The following PCM1 variants were observed in gnomAD, a reference collection of about 807,000 sequenced individuals.
PCM1 encodes pericentriolar material 1.
In PCM1, 157 loss-of-function variants were observed where a neutral mutation model predicts 241.9. The observed-to-expected ratio is 0.65, with a 90% CI of 0.57 to 0.74. The LOEUF (loss-of-function observed/expected upper bound fraction) is 0.74, where lower values mean the gene tolerates loss of function less well. Ranked by LOEUF, PCM1 falls within the 30% of genes least tolerant of loss-of-function variation. PCM1 has a pLI of 0.00. For synonymous variants in PCM1, 1,085 were observed against 784.9 expected (o/e 1.38, Z -6.39); for missense variants, 3,478 against 2,360.1 (o/e 1.47, Z -9.81).
At position 18,029,386 on chromosome 8, in the gene PCM1, A is replaced by G. The variant is rs2129492229; in HGVS notation, c.*1724A>G. ...TAACTAACTTCAGGGAAATTGGAACAATAAGTTATGTTACATGCACACTCA... is the reference window on the plus strand; with the variant it reads ...TAACTAACTTCAGGGAAATTGGAACGATAAGTTATGTTACATGCACACTCA... On this transcript the variant is annotated 3_prime_UTR_variant, in exon 39 of 39. Coordinates refer to ENST00000325083, the MANE Select transcript of PCM1 (RefSeq NM_006197.4). 4.7e-6 allele frequency: 1 copy of G among 214,964 alleles called. No individual in the cohort carries two copies. The highest frequency in any genetic ancestry group is 6.9e-5 in the East Asian group (1 of 14,582). The allele number at this position is 214,964 out of a possible 1,614,324, so 13.3% of individuals were successfully genotyped here.
rs1392440157 is a variant in PCM1 at position 17,980,750 on chromosome 8, C to A, written c.4103C>A (p.Ser1368Tyr). 1.9e-6 allele frequency: 3 copies of A among 1,603,594 alleles called. No homozygotes were observed. The highest frequency in any genetic ancestry group is 2.2e-5 in the South Asian group (2 of 90,328). ...AAATGTAATAGGTCTACAGAAATAT[C>A]TTCAGGTATGTTCTTTTTTGGTTTG... The part of the protein sequence containing the change: ...IIKCNRSTEI[S>Y]SETGSDFSMF... The change falls in exon 24 of 39, where the codon TCT becomes TAT. Residue 1368 changes from serine to tyrosine, a missense_variant. Physicochemically the swap from Ser to Tyr is moderately radical, Grantham distance 144. Coordinates refer to ENST00000325083, the MANE Select transcript of PCM1 (RefSeq NM_006197.4).
At chr8:17,928,516 T>TCATTTGTC (rs2057862955) in intron 2 of PCM1, among the ~76,000 whole-genome samples, 2 of 151,876 alleles carry the variant, frequency 1.3e-5, no homozygotes, top group Admixed American at 1.3e-4. Context: ...CTAAAGCTAA[T>TCATTTGTC]CATTTGTCTT....
chr8:17,996,639 A>G lies in PCM1; in HGVS notation c.4827+3020A>G, dbSNP rs538746589. ...CTTCTATTTTGGGTTTGGTTTGCTC[A>G]TGCTTTTCTTGTTTTTTAACATCCA... On this transcript the variant is annotated intron_variant, in intron 29 of 38. Coordinates refer to ENST00000325083, the MANE Select transcript of PCM1 (RefSeq NM_006197.4). 1.3e-3 allele frequency among the ~76,000 whole-genome samples: 202 copies of G among 150,400 alleles called. 1 individual carries two copies. Among genetic ancestry groups the G allele is most frequent in the Non-Finnish European group, 2.5e-3 (169 of 67,824 alleles).
chr8:18,017,643 C>T (rs534131326), intron 36 of PCM1, among the ~76,000 whole-genome samples: 3 of 152,234 alleles, frequency 2.0e-5, no homozygotes, highest in East Asian at 1.9e-4. Flanking sequence ...CACCTGAGGT[C>T]GGGAGTTCAA....
At chr8:17,995,973 A>G (rs1340519510) in intron 29 of PCM1, among the ~76,000 whole-genome samples, 1 of 152,148 alleles carries the variant, frequency 6.6e-6, no homozygotes, top group Non-Finnish European at 1.5e-5. Flanking sequence ...TATATATATC[A>G]TATACAAACA....
rs751778026 is a variant in PCM1, at chr8:18,029,034, C to T, written c.*1372C>T. ...GGAGAGGTGGCACGTGCCTGTAGTC[C>T]TAGCTACTTGGGAGGCTAAGGCAGG... On this transcript the variant is annotated 3_prime_UTR_variant, in exon 39 of 39. Coordinates refer to ENST00000325083, the MANE Select transcript of PCM1 (RefSeq NM_006197.4). 1.1e-5 allele frequency: 2 copies of T among 177,254 alleles called. No individual in the cohort carries two copies. Among genetic ancestry groups the T allele is most frequent in the African/African-American group, 2.4e-5 (1 of 42,198 alleles). 11.0% of individuals were successfully genotyped at this position (177,254 alleles called of 1,614,324 possible).
At chr8:17,962,300 C>G (rs2072675330) in intron 16 of PCM1, 126 bp downstream of exon 16, 1 of 628,236 alleles carries the variant, frequency 1.6e-6, no homozygotes. Flanking sequence ...TAGTAGTCTG[C>G]TTTGTGCCTT....
intron 29 of PCM1, among the ~76,000 whole-genome samples, chr8:18,001,122 G>C (rs1455383701): frequency 1.3e-5 from 2 of 152,200 alleles, no homozygotes; most frequent in African/African-American, 4.8e-5. Context: ...TTCAGCATTT[G>C]TAAGTTGTAC....
At chr8:18,013,248 A>G (rs766386074) in intron 34 of PCM1, among the ~76,000 whole-genome samples, 6 of 152,104 alleles carry the variant, frequency 3.9e-5, no homozygotes, top group Non-Finnish European at 8.8e-5. Context: ...CATGCACTAG[A>G]TTATTCTGTT....
chr8:17,944,711 CT>C (rs1476886487), intron 6 of PCM1, among the ~76,000 whole-genome samples: 2 of 152,032 alleles, frequency 1.3e-5, no homozygotes, highest in Non-Finnish European at 2.9e-5. Flanking sequence ...TTTTTATTTT[CT>C]CCCTTCTGTA....
rs1374745046 is a variant in PCM1, at chr8:17,937,207, A to T, written c.170A>T (p.Asp57Val). The change falls in exon 4 of 39, where the codon GAT (aspartate) becomes GTT (valine). Residue 57 changes from aspartate (D) to valine (V), a missense_variant. Coordinates refer to ENST00000325083, the MANE Select transcript of PCM1 (RefSeq NM_006197.4). ...AAGAAAAAGTTTGGTGTAGAAAGTG[A>T]TAAAAGAGTAACCAATGATATTTCT... ...KNKKKFGVES[D>V]KRVTNDISPE... 1 of 1,604,360 alleles carries T rather than the reference A, an allele frequency of 6.2e-7. No individual in the cohort carries two copies. Among genetic ancestry groups the T allele is most frequent in the East Asian group, 2.2e-5 (1 of 44,752 alleles).
intron 36 of PCM1, among the ~76,000 whole-genome samples, chr8:18,023,143 C>G (rs893597687): frequency 2.6e-5 from 4 of 152,120 alleles, no homozygotes; most frequent in Non-Finnish European, 4.4e-5. Flanking sequence ...CTGGATTATT[C>G]ATCTTGTATG....
intron 16 of PCM1, among the ~76,000 whole-genome samples, chr8:17,962,728 A>G (rs111753776): frequency 0.02 from 3,007 of 151,976 alleles, 113 homozygotes; most frequent in African/African-American, 0.069. Context: ...GTGAAACCCT[A>G]TCTCTACTAA....
At chr8:17,994,984 C>G (rs1364511634) in intron 29 of PCM1, among the ~76,000 whole-genome samples, 3 of 151,396 alleles carry the variant, frequency 2.0e-5, no homozygotes, top group African/African-American at 7.4e-5. Flanking sequence ...GTTGTCTCTT[C>G]ACTTTGTTGT....
intron 36 of PCM1, among the ~76,000 whole-genome samples, chr8:18,020,595 A>G (rs942112748): frequency 3.9e-5 from 6 of 152,224 alleles, no homozygotes; most frequent in Non-Finnish European, 8.8e-5. Context: ...TTCATTAAAT[A>G]ATTCTGAATA....
Position 18,014,754 on chromosome 8 carries a change from AAAG to A in PCM1, c.5759_5761del (p.Glu1920del). ...AATGGAACCCTTAGTGCCTAGAGTC[AAAG>A]AAGTTAAATCTGCTCAGGAAACTCC... On this transcript the variant is annotated inframe_deletion, in exon 36 of 39. Transcript: ENST00000325083. 6.2e-7 allele frequency: 1 copy of A among 1,612,588 alleles called. No individual in the cohort carries two copies. Among genetic ancestry groups the A allele is most frequent in the South Asian group, 1.1e-5 (1 of 91,004 alleles).
intron 29 of PCM1, among the ~76,000 whole-genome samples, chr8:17,996,901 G>C (rs563758655): frequency 6.6e-6 from 1 of 151,806 alleles, no homozygotes; most frequent in South Asian, 2.1e-4. Context: ...TACTATTTTT[G>C]GTTGGTTCAT....
intron 5 of PCM1, among the ~76,000 whole-genome samples, chr8:17,939,219 A>G (rs567094873): frequency 1.6e-3 from 241 of 152,196 alleles, no homozygotes; most frequent in Non-Finnish European, 3.0e-3. Flanking sequence ...TATTCAGGTT[A>G]GTTAAAGGCT....
rs114411503 is a variant in PCM1, at chr8:18,016,637, C to T, written c.5841+1797C>T. Among the ~76,000 whole-genome samples the T allele has an allele frequency of 4.7e-3, 719 of 152,282 alleles. 8 individuals are homozygous for T. Among genetic ancestry groups the T allele is most frequent in the African/African-American group, 0.016 (681 of 41,562 alleles). ...AAAGGCAAATAAGACAGATGAAAAGCTTAAGCAGTGAATTGACAACCAAAA... is the reference window on the plus strand; with the variant it reads ...AAAGGCAAATAAGACAGATGAAAAGTTTAAGCAGTGAATTGACAACCAAAA... On this transcript the variant is annotated intron_variant, in intron 36 of 38. Transcript: ENST00000325083.
Sources: allele counts gnomAD v4.1 joint callset (sites outside exome capture counted in the v4.1 genomes callset), GRCh38; gene constraint gnomAD v4.1.1; transcripts MANE v1.5; gene names NCBI Gene and HGNC (gene_info 2026-07-23, HGNC 2026-07-21).